Variants in GOLGA4 observed in about 807,000 individuals in gnomAD.
GOLGA4 encodes the protein golgin subfamily A member 4.
GOLGA4 carries 169 observed loss-of-function variants against 265.9 expected under a neutral mutation model. The ratio of observed to expected loss-of-function variants is 0.64; its 90% CI spans 0.56 to 0.72. The LOEUF (loss-of-function observed/expected upper bound fraction) is 0.72. Ranked by LOEUF, GOLGA4 falls within the 30% of genes least tolerant of loss-of-function variation. GOLGA4 has a pLI of 0.00. For missense variants in GOLGA4, 2,482 were observed against 2,483.4 expected (o/e 1.00, Z 0.01); for synonymous variants, 923 against 855.8 (o/e 1.08, Z -1.37).
chr3:37,314,500 G>A (rs1463569424), intron 10 of GOLGA4, among the ~76,000 whole-genome samples: 31 of 152,018 alleles, frequency 2.0e-4, no homozygotes, highest in Non-Finnish European at 3.5e-4. Flanking sequence ...AATTAGCCAG[G>A]CATGGTGGTG....
rs9855226 is a variant in GOLGA4 at position 37,281,325 on chromosome 3, G to C, written c.163-633G>C. 3.7e-3 allele frequency among the ~76,000 whole-genome samples: 558 copies of C among 152,176 alleles called. 4 individuals are homozygous for C. Among genetic ancestry groups the C allele is most frequent in the African/African-American group, 0.013 (531 of 41,498 alleles). Reference sequence around the variant, plus strand: ...TTGTTAATGCTTATTTTTATTCCTAGTAGACAAATGGTAAGTAGAGCAGAG... The same window carrying C: ...TTGTTAATGCTTATTTTTATTCCTACTAGACAAATGGTAAGTAGAGCAGAG... On this transcript the variant is annotated intron_variant, in intron 2 of 23. Transcript: ENST00000361924.
At chr3:37,284,088 T>G (rs2096841762) in intron 3 of GOLGA4, among the ~76,000 whole-genome samples, 1 of 152,188 alleles carries the variant, frequency 6.6e-6, no homozygotes, top group South Asian at 2.1e-4. Context: ...TCTACCTCTC[T>G]CTGGCATTGT....
At chr3:37,275,233 A>G (rs2096812321) in intron 2 of GOLGA4, among the ~76,000 whole-genome samples, 7 of 150,614 alleles carry the variant, frequency 4.6e-5, no homozygotes, top group African/African-American at 1.5e-4. Flanking sequence ...AAAAAAAAAA[A>G]AAAAAAAAGA....
chr3:37,359,709 C>G (rs1306869423), intron 22 of GOLGA4, among the ~76,000 whole-genome samples: 1 of 151,954 alleles, frequency 6.6e-6, no homozygotes, highest in Non-Finnish European at 1.5e-5. Flanking sequence ...CATTTTCTTC[C>G]CCTGTTGGAA....
At position 37,335,054 on chromosome 3, in the gene GOLGA4, C is replaced by T. The variant is rs1214590714; in HGVS notation, c.6194C>T (p.Ala2065Val). 4 of 1,548,286 alleles carry T rather than the reference C, an allele frequency of 2.6e-6. No homozygotes were observed. The highest frequency in any genetic ancestry group is 3.5e-6 in the Non-Finnish European group (4 of 1,130,440). The stretch of plus-strand genomic sequence containing the variant: ...TTTCTTTTTTTTTAAATCCTAAAGG[C>T]TCGTGAAGAAGAAATGACTGCAAAA... ...TAKRYEEILD[A>V]REEEMTAKVR... Residue 2065 changes from alanine (A) to valine (V), a missense_variant and splice_region_variant, in exon 17 of 24, where the codon GCT (alanine) becomes GTT (valine). By Grantham distance (64) the Ala-to-Val change is moderately conservative. Transcript: ENST00000361924.
chr3:37,325,970 C>T lies in GOLGA4; in HGVS notation c.4084C>T (p.Leu1362Phe), dbSNP rs763942726. 10 of 1,611,692 alleles carry T rather than the reference C, an allele frequency of 6.2e-6. No homozygotes were observed. In the Admixed American group the frequency reaches 1.5e-4, roughly 24 times the overall value. Residue 1362 changes from leucine to phenylalanine, a missense_variant, in exon 14 of 24, where the codon CTT (leucine) becomes TTT (phenylalanine). Leu to Phe is a conservative substitution (Grantham distance 22). Around this residue, in one of 3 missense-constraint regions of GOLGA4, gnomAD observed 942 missense variants for 983.1 expected, o/e 0.96. Transcript: ENST00000361924. ...TGCTGTCACATTGATGAAAGAAGAG[C>T]TTAAAGAAAAAAAAGTTGAGATTAG... is the stretch of plus-strand genomic sequence containing the variant. ...INAVTLMKEELKEKKVEISSL... is the reference protein window; with the variant it reads ...INAVTLMKEEFKEKKVEISSL...
At chr3:37,312,593 G>A (rs928514727) in intron 10 of GOLGA4, among the ~76,000 whole-genome samples, 1 of 148,362 alleles carries the variant, frequency 6.7e-6, no homozygotes, top group East Asian at 2.0e-4. Context: ...CACAATCACT[G>A]CTCACTGAAG....
At chr3:37,251,576 G>T in intron 2 of GOLGA4, 92 bp downstream of exon 2, 4 of 740,248 alleles carry the variant, frequency 5.4e-6, no homozygotes, top group South Asian at 1.7e-5. Context: ...CTTTTGACAG[G>T]TCAGCTATTT....
At chr3:37,258,199 GAT>G (rs1484822307) in intron 2 of GOLGA4, among the ~76,000 whole-genome samples, 1 of 142,774 alleles carries the variant, frequency 7.0e-6, no homozygotes, top group Non-Finnish European at 1.5e-5. Flanking sequence ...GTATATGTAT[GAT>G]ATATATAGCA....
intron 23 of GOLGA4, among the ~76,000 whole-genome samples, chr3:37,363,868 G>T (rs180752155): frequency 6.6e-6 from 1 of 152,200 alleles, no homozygotes; most frequent in East Asian, 1.9e-4. Flanking sequence ...AAAACGTCTA[G>T]CTTTTTTGTT....
At chr3:37,280,898 T>C (rs1394194542) in intron 2 of GOLGA4, among the ~76,000 whole-genome samples, 1 of 152,228 alleles carries the variant, frequency 6.6e-6, no homozygotes, top group Non-Finnish European at 1.5e-5. Context: ...CCCAATATTA[T>C]TAAATCTCTA....
chr3:37,247,811 C>G (rs888032683), intron 1 of GOLGA4, among the ~76,000 whole-genome samples: 1 of 152,158 alleles, frequency 6.6e-6, no homozygotes, highest in Non-Finnish European at 1.5e-5. Flanking sequence ...GCCTTCATTT[C>G]TTGCTGACCA....
In GOLGA4 at chr3:37,326,832, C is replaced by T. The variant is rs542462724; in HGVS notation, c.4946C>T (p.Ala1649Val). Residue 1649 changes from alanine to valine, a missense_variant, in exon 14 of 24, where the codon GCT (alanine) becomes GTT (valine). Transcript: ENST00000361924. ...ELKRKAEQKI[A>V]AIKKQLLSQM... is the part of the protein sequence containing the mutation. ...AAGAGAAAAGCTGAACAAAAAATTG[C>T]TGCCATTAAGAAGCAGTTGTTATCT... The T allele has an allele frequency of 6.2e-7, 1 of 1,613,496 alleles. No homozygotes were observed.
chr3:37,330,294 C>T (rs1263080848), intron 16 of GOLGA4, among the ~76,000 whole-genome samples: 1 of 151,870 alleles, frequency 6.6e-6, no homozygotes, highest in Non-Finnish European at 1.5e-5. Flanking sequence ...AGTGATTCTT[C>T]ATTAGCTTTA....
intron 4 of GOLGA4, among the ~76,000 whole-genome samples, chr3:37,288,522 G>T (rs539759316): frequency 1.3e-5 from 2 of 151,164 alleles, no homozygotes; most frequent in African/African-American, 2.4e-5. Flanking sequence ...TTTCGCCCAG[G>T]CTGGAGTGCA....
At chr3:37,268,386 A>G (rs959186279) in intron 2 of GOLGA4, among the ~76,000 whole-genome samples, 8 of 151,902 alleles carry the variant, frequency 5.3e-5, no homozygotes, top group South Asian at 2.1e-4. Context: ...GTCTGGCCCA[A>G]TTTACTTTGA....
Position 37,302,340 on chromosome 3 carries a change from C to A in GOLGA4, c.1234+8C>A, listed in dbSNP as rs765348320. Reference sequence around the variant, plus strand: ...AAAAGTCCGAAAGAGCTGGTAAGAACTTGAGGGTTACTTGTTTTATGTTGG... The same window carrying A: ...AAAAGTCCGAAAGAGCTGGTAAGAAATTGAGGGTTACTTGTTTTATGTTGG... On this transcript the variant is annotated splice_region_variant and intron_variant, in intron 10 of 23. Coordinates refer to ENST00000361924, the MANE Select transcript of GOLGA4 (RefSeq NM_002078.5). 1 of 1,607,764 alleles carries A rather than the reference C, an allele frequency of 6.2e-7. No homozygotes were observed. Among genetic ancestry groups the A allele is most frequent in the Non-Finnish European group, 8.5e-7 (1 of 1,177,124 alleles).
At chr3:37,297,621 C>T (rs1283625076) in intron 7 of GOLGA4, among the ~76,000 whole-genome samples, 2 of 152,188 alleles carry the variant, frequency 1.3e-5, no homozygotes, top group African/African-American at 2.4e-5. Flanking sequence ...TAAGCTTCTT[C>T]AGATAAAGAT....
rs773856421 is a variant in GOLGA4 at position 37,298,885 on chromosome 3, G to T, written c.867G>T (p.Lys289Asn). The change falls in exon 8 of 24, where the codon AAG (lysine) becomes AAT (asparagine). Residue 289 changes from lysine (K) to asparagine (N), a missense_variant. Physicochemically the swap from Lys to Asn is moderately conservative, Grantham distance 94 (BLOSUM62 0). Transcript: ENST00000361924. Reference protein sequence around the residue: ...KTLETLQQRVKRQENLLKRCK... With the variant: ...KTLETLQQRVNRQENLLKRCK... ...TGGAAACACTCCAGCAAAGAGTGAA[G>T]CGTCAAGAGAACCTACTTAAGCGTT... 6.2e-7 allele frequency: 1 copy of T among 1,613,636 alleles called. No individual in the cohort carries two copies. Among genetic ancestry groups the T allele is most frequent in the Admixed American group, 1.7e-5 (1 of 59,944 alleles).
Sources: allele counts gnomAD v4.1 joint callset (sites outside exome capture counted in the v4.1 genomes callset), GRCh38; gene constraint gnomAD v4.1.1; regional missense constraint gnomAD v4.1.1; transcripts MANE v1.5; gene names NCBI Gene and HGNC (gene_info 2026-07-23, HGNC 2026-07-21).